The following STX7 variants were observed in gnomAD, a reference collection of about 807,000 sequenced individuals.
The protein encoded by STX7 is syntaxin-7.
STX7 carries 34 observed loss-of-function variants against 39.6 expected under a neutral mutation model. That is an observed-to-expected ratio of 0.86 (90% CI 0.65 to 1.14). The LOEUF is 1.14. STX7 is among the 50% of genes most tolerant of loss of function. The probability of loss-of-function intolerance (pLI) is 0.00; values close to 1 mark genes in which losing one functional copy is unlikely to be tolerated. For missense variants in STX7, 284 were observed against 310.4 expected (o/e 0.92, Z 0.64); for synonymous variants, 119 against 99.1 (o/e 1.20, Z -1.19).
chr6:132,479,189 T>G (rs1337025253), intron 2 of STX7, among the ~76,000 whole-genome samples: 1 of 152,230 alleles, frequency 6.6e-6, no homozygotes, highest in Non-Finnish European at 1.5e-5. Context: ...AACAGACTTT[T>G]TATGCTGCTT....
intron 2 of STX7, among the ~76,000 whole-genome samples, chr6:132,497,284 A>G (rs1775441019): frequency 6.6e-6 from 1 of 152,210 alleles, no homozygotes; most frequent in Non-Finnish European, 1.5e-5. Context: ...GATGAATCCC[A>G]CAAACATAAT....
intron 2 of STX7, among the ~76,000 whole-genome samples, chr6:132,484,956 T>G (rs1775095986): frequency 6.6e-6 from 1 of 152,196 alleles, no homozygotes; most frequent in Non-Finnish European, 1.5e-5. Context: ...ACAGAGTCTG[T>G]TGTTCTCTTG....
Position 132,448,837 on chromosome 6 carries a change from C to CA in STX7, c.*11920dup, listed in dbSNP as rs71030800. Reference sequence around the variant, plus strand: ...TGGGTGACAGAGCAAGACTCTGTCTCAAAAAAAAAAAAAAAAAAAAAAGGT... The same window carrying CA: ...TGGGTGACAGAGCAAGACTCTGTCTCAAAAAAAAAAAAAAAAAAAAAAAGGT... On this transcript the variant is annotated 3_prime_UTR_variant, in exon 10 of 10. Transcript: ENST00000367941. 0.31 allele frequency: 22,648 copies of CA among 72,410 alleles called. 3,689 individuals are homozygous for CA. Among genetic ancestry groups the CA allele is most frequent in the Non-Finnish European group, 0.37 (14,608 of 39,408 alleles). The allele number at this position is 72,410 out of a possible 1,614,324, so 4.5% of individuals were successfully genotyped here. A position where few individuals can be genotyped will look rare whatever the true frequency, so the allele number is the denominator to read the frequency against.
chr6:132,476,475 G>A (rs555561335), intron 2 of STX7, among the ~76,000 whole-genome samples: 1 of 152,084 alleles, frequency 6.6e-6, no homozygotes, highest in Admixed American at 6.6e-5. Context: ...GACAAAGACA[G>A]AGGTGCTTTC....
chr6:132,501,081 T>G (rs6569804), intron 2 of STX7, among the ~76,000 whole-genome samples: 2 of 149,734 alleles, frequency 1.3e-5, no homozygotes, highest in Non-Finnish European at 3.0e-5. Context: ...TTTTTTGAAA[T>G]GGAGTTTTGC....
rs746429926 is a variant in STX7 at position 132,460,849 on chromosome 6, C to T, written c.695G>A (p.Arg232His). The T allele has an allele frequency of 8.7e-6, 14 of 1,611,426 alleles. No individual in the cohort carries two copies. The highest frequency in any genetic ancestry group is 3.3e-5 in the South Asian group (3 of 90,736). ...GATGCACAGGGTTTTTCTGGATTTG[C>T]GCTGCAGACGCAAAAAACAAAACAA... ...QQLSRAADYQ[R>H]KSRKTLCIII... Residue 232 changes from arginine to histidine, a missense_variant and splice_region_variant, in exon 10 of 10, where the codon CGC becomes CAC. By Grantham distance (29) the Arg-to-His change is conservative. Coordinates refer to ENST00000367941, the MANE Select transcript of STX7 (RefSeq NM_003569.3).
chr6:132,498,034 G>A (rs530975339), intron 2 of STX7, among the ~76,000 whole-genome samples: 7 of 152,318 alleles, frequency 4.6e-5, no homozygotes, highest in African/African-American at 1.7e-4. Context: ...TGGATGGCAT[G>A]CTAGGCCAGC....
At chr6:132,477,384 C>G (rs1330023838) in intron 2 of STX7, among the ~76,000 whole-genome samples, 1 of 151,936 alleles carries the variant, frequency 6.6e-6, no homozygotes, top group Non-Finnish European at 1.5e-5. Flanking sequence ...TATCTCAACT[C>G]TAAAGTGTTA....
chr6:132,509,798 A>G (rs1649613275), intron 1 of STX7, among the ~76,000 whole-genome samples: 1 of 152,212 alleles, frequency 6.6e-6, no homozygotes, highest in Non-Finnish European at 1.5e-5. Flanking sequence ...GACAGACAGG[A>G]TAGGTAACTA....
chr6:132,460,739 A>C lies in STX7; in HGVS notation c.*19T>G. On this transcript the variant is annotated 3_prime_UTR_variant, in exon 10 of 10. Coordinates refer to ENST00000367941, the MANE Select transcript of STX7 (RefSeq NM_003569.3). ...CATAATTTAGACAATGTAGTGCGAC[A>C]GTGTGCTCCTTTATAACTTCAGTGG... 1 of 1,548,718 alleles carries C rather than the reference A, an allele frequency of 6.5e-7. No individual in the cohort carries two copies. Among genetic ancestry groups the C allele is most frequent in the Non-Finnish European group, 8.9e-7 (1 of 1,124,874 alleles).
intron 2 of STX7, among the ~76,000 whole-genome samples, chr6:132,492,369 T>C (rs962630132): frequency 3.3e-5 from 5 of 152,250 alleles, no homozygotes; most frequent in Admixed American, 3.3e-4. Context: ...TTTCTTTTTG[T>C]AACACTTAAC....
At position 132,509,471 on chromosome 6, in the gene STX7, ACATAACATAAC is replaced by A. The variant is rs1562343534; in HGVS notation, c.-59+3525_-59+3535del. Among the ~76,000 whole-genome samples the A allele has an allele frequency of 1.3e-3, 33 of 26,274 alleles. 2 individuals are homozygous for A. The highest frequency in any genetic ancestry group is 2.2e-3 in the African/African-American group (32 of 14,296). The allele number at this position is 26,274 out of a possible 152,430, so 17.2% of individuals were successfully genotyped here. The stretch of plus-strand genomic sequence containing the variant: ...TCTCAAAATAACATAACATAACATA[ACATAACATAAC>A]ATAACATAACATAACATAACATAAC... On this transcript the variant is annotated intron_variant, in intron 1 of 9. Transcript: ENST00000367941.
At chr6:132,476,157 A>G (rs1774869210) in intron 2 of STX7, among the ~76,000 whole-genome samples, 1 of 152,334 alleles carries the variant, frequency 6.6e-6, no homozygotes, top group East Asian at 1.9e-4. Flanking sequence ...GGACATTCAT[A>G]CAACTTAAAT....
At chr6:132,490,241 G>A (rs1775245331) in intron 2 of STX7, among the ~76,000 whole-genome samples, 1 of 152,152 alleles carries the variant, frequency 6.6e-6, no homozygotes, top group Non-Finnish European at 1.5e-5. Flanking sequence ...ATCCACTCGA[G>A]GGCCCAATAA....
At chr6:132,492,461 G>C (rs1192041801) in intron 2 of STX7, among the ~76,000 whole-genome samples, 1 of 152,142 alleles carries the variant, frequency 6.6e-6, no homozygotes, top group Non-Finnish European at 1.5e-5. Flanking sequence ...CATAAAGGCA[G>C]GTATTTTTAT....
rs1774210305 is a variant in STX7, at chr6:132,454,771, G to C, written c.*5987C>G. The C allele has an allele frequency of 6.6e-6, 1 of 152,102 alleles. No homozygotes were observed. The highest frequency in any genetic ancestry group is 1.9e-4 in the East Asian group (1 of 5,192). 9.4% of individuals were successfully genotyped at this position (152,102 alleles called of 1,614,324 possible). ...AAAAATGTTTGTTTATTGCCTCCAA[G>C]ATAGAACATGAATTTCTTGAACAAG... On this transcript the variant is annotated 3_prime_UTR_variant, in exon 10 of 10. Transcript: ENST00000367941.
chr6:132,478,176 G>C (rs1774920798), intron 2 of STX7, among the ~76,000 whole-genome samples: 1 of 151,306 alleles, frequency 6.6e-6, no homozygotes. Flanking sequence ...ATGTATCCCA[G>C]AACTTAAAGT....
chr6:132,494,760 T>C (rs1425261053), intron 2 of STX7, among the ~76,000 whole-genome samples: 2 of 152,198 alleles, frequency 1.3e-5, no homozygotes, highest in African/African-American at 4.8e-5. Flanking sequence ...TGGGGATTTA[T>C]ATCTGATTAT....
In STX7 at chr6:132,460,068, C is replaced by G. The variant is rs1048682081; in HGVS notation, c.*690G>C. 6.6e-6 allele frequency: 1 copy of G among 152,126 alleles called. No homozygotes were observed. Among genetic ancestry groups the G allele is most frequent in the African/African-American group, 2.4e-5 (1 of 41,416 alleles). 9.4% of individuals were successfully genotyped at this position (152,126 alleles called of 1,614,324 possible). ...TAAACATTTTTAGTAACTACACTTT[C>G]CCCCGTAAACATCAGACTTAAATAG... On this transcript the variant is annotated 3_prime_UTR_variant, in exon 10 of 10. Transcript: ENST00000367941.
Sources: gnomAD v4.1 joint callset for allele counts (sites outside exome capture counted in the v4.1 genomes callset) on GRCh38, gnomAD v4.1.1 for gene constraint, MANE v1.5 for transcripts, NCBI Gene and HGNC (gene_info 2026-07-23, HGNC 2026-07-21) for gene names.